NDUFAF2: variants seen among roughly 807,000 people sequenced by gnomAD.
NDUFAF2 encodes NADH:ubiquinone oxidoreductase complex assembly factor 2.
Under a neutral mutation model 22.8 loss-of-function variants are expected in NDUFAF2, and 13 were observed. The ratio of observed to expected loss-of-function variants is 0.57; its 90% CI spans 0.37 to 0.91. The LOEUF (loss-of-function observed/expected upper bound fraction) is 0.91. NDUFAF2 is among the 40% of genes least tolerant of loss of function. The pLI, the probability that NDUFAF2 is intolerant of heterozygous loss-of-function variation, is 0.01. For missense variants in NDUFAF2, 162 were observed against 195.2 expected (o/e 0.83, Z 1.01); for synonymous variants, 53 against 64.2 (o/e 0.83, Z 0.84).
chr5:61,116,256 G>A (rs1171201092), intron 3 of NDUFAF2: 1 of 152,064 alleles, frequency 6.6e-6, no homozygotes, highest in Non-Finnish European at 1.5e-5. Flanking sequence ...AGGAACACTA[G>A]ACATCTGAGA....
chr5:61,028,183 T>C (rs1751675907), intron 1 of NDUFAF2, among the ~76,000 whole-genome samples: 1 of 152,070 alleles, frequency 6.6e-6, no homozygotes, highest in Admixed American at 6.6e-5. Context: ...AAAAGAAACC[T>C]GAGTGAAATA....
chr5:61,126,575 C>G (rs1753037930), intron 3 of NDUFAF2, among the ~76,000 whole-genome samples: 1 of 151,982 alleles, frequency 6.6e-6, no homozygotes, highest in African/African-American at 2.4e-5. Flanking sequence ...ATGTTGTTAT[C>G]AGTAAATTTA....
rs758150121 is a variant in NDUFAF2, at chr5:61,020,614, G to A, written c.128-52511G>A. 2.4e-4 allele frequency among the ~76,000 whole-genome samples: 37 copies of A among 151,518 alleles called. 2 individuals are homozygous for A. The highest frequency in any genetic ancestry group is 2.3e-3 in the East Asian group (12 of 5,136). On this transcript the variant is annotated intron_variant, in intron 1 of 3. Coordinates refer to ENST00000296597, the MANE Select transcript of NDUFAF2 (RefSeq NM_174889.5). ...GTGTGTGTTTAAGAGATGAGGTCTC[G>A]CTGTGTTGCCCTGGCAGGCCTCCAA...
At chr5:61,122,210 C>A (rs1283647654) in intron 3 of NDUFAF2, among the ~76,000 whole-genome samples, 1 of 152,126 alleles carries the variant, frequency 6.6e-6, no homozygotes. Context: ...CTTGGACTTG[C>A]CTTTCTCCAT....
intron 3 of NDUFAF2, among the ~76,000 whole-genome samples, chr5:61,136,170 T>G (rs1297914693): frequency 6.6e-6 from 1 of 151,128 alleles, no homozygotes; most frequent in Non-Finnish European, 1.5e-5. Context: ...CATTTGCTAT[T>G]TTAGATGACA....
chr5:60,982,978 G>C (rs1437264121), intron 1 of NDUFAF2, among the ~76,000 whole-genome samples: 1 of 151,828 alleles, frequency 6.6e-6, no homozygotes, highest in Non-Finnish European at 1.5e-5. Context: ...TCGCCACACT[G>C]ACTTCCACAA....
intron 1 of NDUFAF2, among the ~76,000 whole-genome samples, chr5:61,011,321 A>G (rs954656494): frequency 6.6e-6 from 1 of 152,070 alleles, no homozygotes; most frequent in African/African-American, 2.4e-5. Flanking sequence ...TGGACATATG[A>G]TCTAGACTCA....
intron 1 of NDUFAF2, among the ~76,000 whole-genome samples, chr5:61,043,705 G>A (rs201773428): frequency 1.4e-5 from 2 of 143,424 alleles, no homozygotes; most frequent in African/African-American, 5.0e-5. Flanking sequence ...GTGTGTGTAT[G>A]TGTGTGTGTG....
At chr5:60,965,162 G>A (rs1303362259) in intron 1 of NDUFAF2, among the ~76,000 whole-genome samples, 1 of 152,128 alleles carries the variant, frequency 6.6e-6, no homozygotes, top group Admixed American at 6.5e-5. Flanking sequence ...CAGAAAAATT[G>A]TACTGACCTG....
At chr5:61,067,086 T>C (rs9291704) in intron 1 of NDUFAF2, among the ~76,000 whole-genome samples, 20,937 of 152,152 alleles carry the variant, frequency 0.14, 1,780 homozygotes, top group South Asian at 0.26. Context: ...AGATTTTAGT[T>C]GCTCTTGCGA....
chr5:61,100,445 T>C (rs1752692279), intron 3 of NDUFAF2, among the ~76,000 whole-genome samples: 2 of 152,058 alleles, frequency 1.3e-5, no homozygotes, highest in African/African-American at 4.8e-5. Flanking sequence ...CTTGTTAATT[T>C]TGATTATCCA....
chr5:61,090,079 T>A (rs1469002515), intron 2 of NDUFAF2, among the ~76,000 whole-genome samples: 1 of 152,078 alleles, frequency 6.6e-6, no homozygotes, highest in African/African-American at 2.4e-5. Flanking sequence ...CTTCATAGAC[T>A]CTAGAATACA....
intron 3 of NDUFAF2, among the ~76,000 whole-genome samples, chr5:61,150,184 G>A (rs1297892513): frequency 1.3e-5 from 2 of 151,980 alleles, no homozygotes; most frequent in Non-Finnish European, 1.5e-5. Flanking sequence ...TGCCCGCCTC[G>A]GCCTCCCAAA....
At chr5:60,975,513 C>T (rs563246569) in intron 1 of NDUFAF2, among the ~76,000 whole-genome samples, 20 of 152,066 alleles carry the variant, frequency 1.3e-4, no homozygotes, top group Non-Finnish European at 1.6e-4. Context: ...TTAGGAGAGA[C>T]ATCTGATTTG....
At chr5:60,960,947 C>T (rs1014107442) in intron 1 of NDUFAF2, among the ~76,000 whole-genome samples, 5 of 151,962 alleles carry the variant, frequency 3.3e-5, no homozygotes, top group Admixed American at 6.6e-5. Flanking sequence ...TCCGATTAAG[C>T]ATACATTACC....
chr5:60,949,753 T>A (rs1019633823), intron 1 of NDUFAF2, among the ~76,000 whole-genome samples: 7 of 152,246 alleles, frequency 4.6e-5, no homozygotes, highest in Non-Finnish European at 7.3e-5. Flanking sequence ...TGGTCATTTT[T>A]AAAAATTTAT....
chr5:61,083,536 T>C (rs1561560436), intron 2 of NDUFAF2, among the ~76,000 whole-genome samples: 1 of 152,150 alleles, frequency 6.6e-6, no homozygotes, highest in African/African-American at 2.4e-5. Flanking sequence ...CTATTTTTAG[T>C]GGAGATGGGA....
chr5:61,087,135 T>C (rs141733988), intron 2 of NDUFAF2, among the ~76,000 whole-genome samples: 2 of 152,176 alleles, frequency 1.3e-5, no homozygotes, highest in East Asian at 1.9e-4. Flanking sequence ...TTAATGATAA[T>C]ATTAGTGCCC....
chr5:61,058,598 C>CT (rs1338382760), intron 1 of NDUFAF2, among the ~76,000 whole-genome samples: 1 of 151,882 alleles, frequency 6.6e-6, no homozygotes, highest in African/African-American at 2.4e-5. Flanking sequence ...TCATCCCCGC[C>CT]TTTTTTCCTT....
Sources: allele counts gnomAD v4.1 joint callset (sites outside exome capture counted in the v4.1 genomes callset), GRCh38; gene constraint gnomAD v4.1.1; transcripts MANE v1.5; gene names NCBI Gene and HGNC (gene_info 2026-07-23, HGNC 2026-07-21).